Variants in IP6K1 observed in about 807,000 individuals in gnomAD.
IP6K1 encodes the protein ATP:1D-myo-inositol-hexakisphosphate phosphotransferase.
A neutral mutation model predicts 38.3 loss-of-function variants in IP6K1; 13 were observed. The ratio of observed to expected loss-of-function variants is 0.34; its 90% confidence interval spans 0.22 to 0.54. The LOEUF (loss-of-function observed/expected upper bound fraction) is 0.54, where lower values mean the gene tolerates loss of function less well. Among genes scored for constraint, IP6K1 ranks in the 20% least tolerant of loss-of-function variants. The pLI is 0.92. For synonymous variants in IP6K1, 212 were observed against 229.9 expected (o/e 0.92, Z 0.70); for missense variants, 397 against 599.8 (o/e 0.66, Z 3.53).
In IP6K1 at chr3:49,724,656, A is replaced by T. The variant is rs2080479930; in HGVS notation, c.*2466T>A. 1 of 152,690 alleles carries T rather than the reference A, an allele frequency of 6.5e-6. No individual in the cohort carries two copies. The highest frequency in any genetic ancestry group is 1.5e-5 in the Non-Finnish European group (1 of 68,070). 9.5% of individuals were successfully genotyped at this position (152,690 alleles called of 1,614,324 possible). A position where few individuals can be genotyped will look rare whatever the true frequency, so the allele number is the denominator to read the frequency against. ...AGCTTTAAAGTTCAAAGCAGTCTGCATCTAGGGAACGTGCATGTGGTCAGG... is the reference window on the plus strand; with the variant it reads ...AGCTTTAAAGTTCAAAGCAGTCTGCTTCTAGGGAACGTGCATGTGGTCAGG... On this transcript the variant is annotated 3_prime_UTR_variant, in exon 6 of 6. Coordinates refer to ENST00000321599, the MANE Select transcript of IP6K1 (RefSeq NM_153273.4).
In IP6K1 at chr3:49,724,871, A is replaced by AG. The variant is rs2080482745; in HGVS notation, c.*2250dup. 1 of 152,696 alleles carries AG rather than the reference A, an allele frequency of 6.5e-6. No homozygotes were observed. Among genetic ancestry groups the AG allele is most frequent in the South Asian group, 2.1e-4 (1 of 4,834 alleles). The allele number at this position is 152,696 out of a possible 1,614,324, so 9.5% of individuals were successfully genotyped here. On this transcript the variant is annotated 3_prime_UTR_variant, in exon 6 of 6. Coordinates refer to ENST00000321599, the MANE Select transcript of IP6K1 (RefSeq NM_153273.4). ...TCAGGGGCTGGTGTCAGCTTGGCCCAGGGAAGCACTATAGAGAGGGCTCAC... is the reference window on the plus strand; with the variant it reads ...TCAGGGGCTGGTGTCAGCTTGGCCCAGGGGAAGCACTATAGAGAGGGCTCAC...
At chr3:49,772,922 C>T (rs541899599) in intron 1 of IP6K1, among the ~76,000 whole-genome samples, 1 of 151,950 alleles carries the variant, frequency 6.6e-6, no homozygotes, top group Non-Finnish European at 1.5e-5. Context: ...CTCCTATGCT[C>T]AAGTGATCCT....
chr3:49,774,430 GA>G lies in IP6K1; in HGVS notation c.-129+11923del, dbSNP rs1158800169. The stretch of plus-strand genomic sequence containing the variant: ...CTCAAAAAAAAAAAAAAAAAAAAAA[GA>G]AAAAAAAAATTTAAGTACTTACATG... On this transcript the variant is annotated intron_variant, in intron 1 of 5. Coordinates refer to ENST00000321599, the MANE Select transcript of IP6K1 (RefSeq NM_153273.4). Among the ~76,000 whole-genome samples, 480 of 115,014 alleles carry G rather than the reference GA, an allele frequency of 4.2e-3. 7 individuals are homozygous for G. The highest frequency in any genetic ancestry group is 0.015 in the African/African-American group (444 of 29,688). 75.5% of individuals were successfully genotyped at this position (115,014 alleles called of 152,430 possible).
intron 1 of IP6K1, among the ~76,000 whole-genome samples, chr3:49,751,146 TCC>T (rs2080773615): frequency 1.6e-5 from 1 of 63,126 alleles, no homozygotes; most frequent in Non-Finnish European, 3.0e-5. Context: ...CGGCTCTGAC[TCC>T]TTTTTTTTTT....
chr3:49,743,387 G>C (rs1161050336), intron 2 of IP6K1, among the ~76,000 whole-genome samples: 2 of 151,868 alleles, frequency 1.3e-5, no homozygotes, highest in Non-Finnish European at 2.9e-5. Flanking sequence ...AGGAGTTCAA[G>C]ACTAGCCCAG....
At chr3:49,754,604 T>G (rs114094166) in intron 1 of IP6K1, among the ~76,000 whole-genome samples, 1,789 of 152,236 alleles carry the variant, frequency 0.012, 27 homozygotes, top group African/African-American at 0.034. Flanking sequence ...GAGTTTTTTT[T>G]TGTGTGTGTT....
intron 1 of IP6K1, among the ~76,000 whole-genome samples, chr3:49,766,958 CAAAAAAAAAA>C (rs144308874): frequency 5.4e-5 from 3 of 55,420 alleles, no homozygotes; most frequent in East Asian, 7.2e-4. Flanking sequence ...GACTCCGTCT[CAAAAAAAAAA>C]AAAAAAAAAA....
chr3:49,767,443 G>C (rs1286713546), intron 1 of IP6K1, among the ~76,000 whole-genome samples: 2 of 151,954 alleles, frequency 1.3e-5, no homozygotes, highest in Admixed American at 6.6e-5. Flanking sequence ...AGCCAGTTGT[G>C]GTGGCACGTG....
chr3:49,781,931 T>A (rs932178362), intron 1 of IP6K1, among the ~76,000 whole-genome samples: 2 of 150,856 alleles, frequency 1.3e-5, no homozygotes, highest in African/African-American at 4.9e-5. Flanking sequence ...AAAAAAAAAA[T>A]TAAAATTAAA....
chr3:49,759,667 A>G (rs2108248045), intron 1 of IP6K1, among the ~76,000 whole-genome samples: 1 of 152,176 alleles, frequency 6.6e-6, no homozygotes, highest in Admixed American at 6.5e-5. Flanking sequence ...TTAGAGTCTT[A>G]GACTAGGTGG....
chr3:49,772,040 C>T (rs1290373436), intron 1 of IP6K1, among the ~76,000 whole-genome samples: 1 of 151,838 alleles, frequency 6.6e-6, no homozygotes, highest in Non-Finnish European at 1.5e-5. Flanking sequence ...ATGGCAAGAC[C>T]TCTACAGAAA....
At chr3:49,763,515 A>C (rs1224856605) in intron 1 of IP6K1, among the ~76,000 whole-genome samples, 1 of 152,198 alleles carries the variant, frequency 6.6e-6, no homozygotes, top group East Asian at 1.9e-4. Context: ...AAATCTTCAA[A>C]AATTTTTAGC....
At chr3:49,778,115 G>C (rs909743803) in intron 1 of IP6K1, among the ~76,000 whole-genome samples, 1 of 151,176 alleles carries the variant, frequency 6.6e-6, no homozygotes, top group African/African-American at 2.4e-5. Flanking sequence ...CACAAGGTCA[G>C]GAGATCGAGA....
intron 1 of IP6K1, among the ~76,000 whole-genome samples, chr3:49,750,089 C>T (rs1431968505): frequency 6.6e-6 from 1 of 152,182 alleles, no homozygotes; most frequent in East Asian, 1.9e-4. Flanking sequence ...CTTATTTCCA[C>T]AGCAAAAGTC....
intron 1 of IP6K1, among the ~76,000 whole-genome samples, chr3:49,754,454 T>C (rs1411261500): frequency 6.6e-6 from 1 of 151,502 alleles, no homozygotes; most frequent in East Asian, 1.9e-4. Flanking sequence ...AAGGCCAAGG[T>C]GGAAGGACTG....
rs1242121158 is a variant in IP6K1, at chr3:49,747,875, G to A, written c.166C>T (p.Gln56Ter). ...TVCKPLISRE[Q>*]RFYESLPPEM... ...GGAGGGAGGGACTCGTAAAAGCGCT[G>A]TTCCCGGGAGATGAGGGGCTTGCAC... Residue 56 changes from glutamine to a stop codon, truncating the protein, a stop_gained, in exon 2 of 6, where the codon CAG becomes TAG. Transcript: ENST00000321599. LOFTEE classifies it high-confidence loss of function. The A allele has an allele frequency of 6.2e-7, 1 of 1,614,052 alleles. No individual in the cohort carries two copies. Among genetic ancestry groups the A allele is most frequent in the Admixed American group, 1.7e-5 (1 of 59,990 alleles).
At chr3:49,784,055 C>A (rs929615719) in intron 1 of IP6K1, among the ~76,000 whole-genome samples, 3 of 151,940 alleles carry the variant, frequency 2.0e-5, no homozygotes. Flanking sequence ...CTCACTCTGT[C>A]ACCCAGGCTG....
chr3:49,772,709 T>C (rs532206428), intron 1 of IP6K1, among the ~76,000 whole-genome samples: 1 of 151,594 alleles, frequency 6.6e-6, no homozygotes, highest in Non-Finnish European at 1.5e-5. Flanking sequence ...AGCCTCTCTC[T>C]ACTTCTGACT....
Position 49,727,577 on chromosome 3 carries a change from T to C in IP6K1, c.871A>G (p.Asn291Asp). 6.2e-7 allele frequency: 1 copy of C among 1,614,194 alleles called. No individual in the cohort carries two copies. The highest frequency in any genetic ancestry group is 8.5e-7 in the Non-Finnish European group (1 of 1,180,032). Residue 291 changes from asparagine to aspartate, a missense_variant, in exon 6 of 6, where the codon AAT becomes GAT. Physicochemically the swap from Asn to Asp is conservative, Grantham distance 23. This residue lies in a region of IP6K1 where 164 missense variants were observed against 213.5 expected (regional missense o/e 0.77). Transcript: ENST00000321599. This position sits in a 1 kb window ranked among gnomAD's most constrained non-coding sequence, Gnocchi z 5.9. ...TTGTGCAGATATTGATAGAGGGCATTGCGGAAGCCTTCAATGGAGAGCCCA... is the reference window on the plus strand; with the variant it reads ...TTGTGCAGATATTGATAGAGGGCATCGCGGAAGCCTTCAATGGAGAGCCCA... ...GRGLSIEGFR[N>D]ALYQYLHNGL...
Sources: gnomAD v4.1 joint callset for allele counts (sites outside exome capture counted in the v4.1 genomes callset) on GRCh38, gnomAD v4.1.1 for gene constraint, gnomAD v4.1.1 regional missense constraint, Gnocchi (gnomAD v3.1) non-coding constraint, MANE v1.5 for transcripts, NCBI Gene and HGNC (gene_info 2026-07-23, HGNC 2026-07-21) for gene names.